Variants in OPRM1 observed in about 807,000 individuals in gnomAD.
OPRM1 encodes the protein opioid receptor mu 1.
In OPRM1, 27 loss-of-function variants were observed where a neutral mutation model predicts 31.8. That is an observed-to-expected ratio of 0.85 (90% CI 0.63 to 1.17). The LOEUF (loss-of-function observed/expected upper bound fraction) is 1.17, where lower values mean the gene tolerates loss of function less well. OPRM1 is among the 50% of genes most tolerant of loss of function. The pLI is 0.00. For missense variants in OPRM1, 536 were observed against 511.1 expected, an observed-to-expected ratio of 1.05 and a Z score of -0.47; for synonymous variants, 196 against 189.9, an observed-to-expected ratio of 1.03 and a Z score of -0.26.
intron 1 of OPRM1, among the ~76,000 whole-genome samples, chr6:154,019,920 G>A (rs966227715): frequency 7.2e-5 from 11 of 151,862 alleles, no homozygotes; most frequent in South Asian, 2.1e-4. Context: ...TTTTTGTAGA[G>A]ATGGGTTTTC....
intron 3 of OPRM1, among the ~76,000 whole-genome samples, chr6:154,242,120 G>A (rs554860834): frequency 6.6e-6 from 1 of 152,288 alleles, no homozygotes; most frequent in South Asian, 2.1e-4. Flanking sequence ...AACACAGTGG[G>A]TTGGCACAGC....
intron 3 of OPRM1, among the ~76,000 whole-genome samples, chr6:154,177,721 G>A (rs1800464009): frequency 6.6e-6 from 1 of 152,206 alleles, no homozygotes; most frequent in Non-Finnish European, 1.5e-5. Flanking sequence ...CATTGTGGAA[G>A]ACAGTGTGGT....
chr6:154,185,294 A>T lies in OPRM1; in HGVS notation c.1165-61399A>T, dbSNP rs1998220. Among the ~76,000 whole-genome samples, 4 of 152,148 alleles carry T rather than the reference A, an allele frequency of 2.6e-5. No homozygotes were observed. In the South Asian group the frequency reaches 8.3e-4, roughly 32 times the overall value. ...AGACATGGAGCTTAATGACTGCCTA[A>T]GTGTTCAAACTGCCAAGGCACACTT... is the stretch of plus-strand genomic sequence containing the variant. On this transcript the variant is annotated intron_variant, in intron 3 of 3. Transcript: ENST00000337049.
chr6:154,105,276 C>T (rs1795412768), intron 3 of OPRM1, among the ~76,000 whole-genome samples: 1 of 152,144 alleles, frequency 6.6e-6, no homozygotes, highest in South Asian at 2.1e-4. Context: ...CTGTTAAAAG[C>T]TGTAAATAGC....
chr6:154,027,509 G>A (rs1409628159), intron 1 of OPRM1, among the ~76,000 whole-genome samples: 1 of 152,166 alleles, frequency 6.6e-6, no homozygotes, highest in Non-Finnish European at 1.5e-5. Flanking sequence ...AGGACTTGGG[G>A]CTCTTCAATC....
intron 3 of OPRM1, among the ~76,000 whole-genome samples, chr6:154,231,170 A>G (rs1056785417): frequency 2.0e-5 from 3 of 152,234 alleles, no homozygotes; most frequent in Non-Finnish European, 4.4e-5. Context: ...ACACAGACTC[A>G]TGACCACTAG....
chr6:154,033,948 C>G (rs1407400899), intron 1 of OPRM1, among the ~76,000 whole-genome samples: 1 of 152,230 alleles, frequency 6.6e-6, no homozygotes, highest in Non-Finnish European at 1.5e-5. Context: ...GGAATCGAAA[C>G]AGTGACCCCA....
chr6:154,110,044 A>G (rs1048941392), intron 3 of OPRM1, among the ~76,000 whole-genome samples: 4 of 152,214 alleles, frequency 2.6e-5, no homozygotes, highest in Non-Finnish European at 4.4e-5. Flanking sequence ...GCAAGGTCTC[A>G]TAATTCTAGG....
chr6:154,099,746 T>C (rs1385715826), intron 3 of OPRM1, among the ~76,000 whole-genome samples: 7 of 148,630 alleles, frequency 4.7e-5, no homozygotes, highest in Admixed American at 1.3e-4. Context: ...GTAATTGTAG[T>C]TTTTAAAAAC....
chr6:154,206,306 C>T (rs923561573), intron 3 of OPRM1, among the ~76,000 whole-genome samples: 2 of 152,194 alleles, frequency 1.3e-5, no homozygotes, highest in Non-Finnish European at 2.9e-5. Context: ...AATCATTCTT[C>T]TCAAAGCCAT....
At chr6:154,075,452 C>CTT (rs113939480) in intron 1 of OPRM1, among the ~76,000 whole-genome samples, 8 of 139,828 alleles carry the variant, frequency 5.7e-5, no homozygotes, top group Non-Finnish European at 7.8e-5. Flanking sequence ...AAAATAAGCA[C>CTT]TTTTTTTTTT....
intron 3 of OPRM1, among the ~76,000 whole-genome samples, chr6:154,234,695 T>C (rs906684416): frequency 3.3e-5 from 5 of 152,246 alleles, no homozygotes; most frequent in African/African-American, 4.8e-5. Flanking sequence ...TCACAATCTT[T>C]CATTCTCTCC....
chr6:154,098,379 A>G (rs1362935391), intron 3 of OPRM1, among the ~76,000 whole-genome samples: 1 of 152,222 alleles, frequency 6.6e-6, no homozygotes, highest in Non-Finnish European at 1.5e-5. Flanking sequence ...ATTTGGTTAA[A>G]CTTAAGTGGT....
chr6:154,181,555 T>C (rs1021716785), intron 3 of OPRM1, among the ~76,000 whole-genome samples: 1 of 152,242 alleles, frequency 6.6e-6, no homozygotes, highest in Non-Finnish European at 1.5e-5. Context: ...GAAGACTATA[T>C]ATTTCAAATT....
At chr6:154,189,694 C>T (rs1350121442) in intron 3 of OPRM1, among the ~76,000 whole-genome samples, 3 of 151,948 alleles carry the variant, frequency 2.0e-5, no homozygotes, top group African/African-American at 4.8e-5. Flanking sequence ...CCGGGCCAGG[C>T]GCGGTGGCTG....
intron 3 of OPRM1, chr6:154,158,006 T>C (rs996012022): frequency 1.3e-5 from 2 of 152,298 alleles, no homozygotes; most frequent in African/African-American, 4.8e-5. Flanking sequence ...CTGACTGGCC[T>C]GGCCTCTTAT....
chr6:154,098,092 GA>G (rs201075172), intron 3 of OPRM1, among the ~76,000 whole-genome samples: 1,839 of 151,994 alleles, frequency 0.012, 37 homozygotes, highest in African/African-American at 0.043. Context: ...TTAAAAATTA[GA>G]AAAAAAATTT....
chr6:154,030,624 T>G (rs530477375), intron 1 of OPRM1, among the ~76,000 whole-genome samples: 1 of 152,186 alleles, frequency 6.6e-6, no homozygotes, highest in Non-Finnish European at 1.5e-5. Context: ...AAAAAATTTT[T>G]TTGTATTTTC....
rs1224726883 is a variant in OPRM1 at position 154,122,408 on chromosome 6, T to C, written c.*3687T>C. ...TCATAAATGCCTGGGCCACTGCAAC[T>C]CTAACCACTGTGTTTCCCCCAGTTT... On this transcript the variant is annotated 3_prime_UTR_variant, in exon 4 of 4. Coordinates refer to ENST00000330432, the MANE Select transcript of OPRM1 (RefSeq NM_000914.5). Among the ~76,000 whole-genome samples, 2 of 152,128 alleles carry C rather than the reference T, an allele frequency of 1.3e-5. No individual in the cohort carries two copies. Among genetic ancestry groups the C allele is most frequent in the African/African-American group, 2.4e-5 (1 of 41,408 alleles).
Sources: gnomAD v4.1 joint callset for allele counts (sites outside exome capture counted in the v4.1 genomes callset) on GRCh38, gnomAD v4.1.1 for gene constraint, MANE v1.5 for transcripts, NCBI Gene and HGNC (gene_info 2026-07-23, HGNC 2026-07-21) for gene names.